Variants in GUCY2C observed in about 807,000 individuals in gnomAD.
GUCY2C encodes guanylyl cyclase C.
In GUCY2C, 118 loss-of-function variants were observed where a neutral mutation model predicts 131.1. That is an observed-to-expected ratio of 0.90 (90% CI 0.78 to 1.05). The LOEUF (loss-of-function observed/expected upper bound fraction) is 1.05. GUCY2C is among the 50% of genes least tolerant of loss of function. The pLI is 0.00. For missense variants in GUCY2C, 1,161 were observed against 1,304.4 expected (o/e 0.89, Z 1.69); for synonymous variants, 452 against 457.8 (o/e 0.99, Z 0.16).
intron 6 of GUCY2C, among the ~76,000 whole-genome samples, chr12:14,678,863 G>T (rs957735673): frequency 2.0e-5 from 3 of 152,052 alleles, no homozygotes; most frequent in Admixed American, 6.6e-5. Flanking sequence ...TGTCAGTGGG[G>T]TCTCCAACCA....
intron 20 of GUCY2C, 65 bp from the exon 21 acceptor site, chr12:14,625,980 C>A: frequency 2.1e-6 from 2 of 931,700 alleles, no homozygotes; most frequent in Non-Finnish European, 1.7e-6. Flanking sequence ...TCCAATAAAA[C>A]AATGGACAAA....
chr12:14,674,766 TAAA>T lies in GUCY2C; in HGVS notation c.949-9_949-7del. On this transcript the variant is annotated splice_region_variant and splice_polypyrimidine_tract_variant and intron_variant, in intron 7 of 26. Coordinates refer to ENST00000261170, the MANE Select transcript of GUCY2C (RefSeq NM_004963.4). ...AGAGCAAAGTCTCGTTTTGTCTAAA[TAAA>T]AAAGGAAAATATTAAAACGGGTCCT... The T allele has an allele frequency of 6.3e-7, 1 of 1,593,840 alleles. No homozygotes were observed. The highest frequency in any genetic ancestry group is 8.5e-7 in the Non-Finnish European group (1 of 1,170,962).
At chr12:14,657,532 C>T (rs1050003907) in intron 11 of GUCY2C, among the ~76,000 whole-genome samples, 3 of 152,110 alleles carry the variant, frequency 2.0e-5, no homozygotes, top group Admixed American at 6.5e-5. Flanking sequence ...GGTACTGGTC[C>T]GTAGCCTGTT....
At chr12:14,637,800 T>C (rs11831745) in intron 19 of GUCY2C, among the ~76,000 whole-genome samples, 2,387 of 152,226 alleles carry the variant, frequency 0.016, 65 homozygotes, top group African/African-American at 0.054. Context: ...GAAAAGACTT[T>C]AGGACATTGG....
At chr12:14,652,805 C>A (rs923087698) in intron 13 of GUCY2C, 147 bp downstream of exon 13, 27 of 674,020 alleles carry the variant, frequency 4.0e-5, no homozygotes, top group Non-Finnish European at 1.1e-5. Flanking sequence ...GGGCCCTGCC[C>A]ATCCCTGTGA....
intron 17 of GUCY2C, among the ~76,000 whole-genome samples, chr12:14,643,290 A>G (rs1001765015): frequency 1.3e-5 from 2 of 152,094 alleles, no homozygotes; most frequent in African/African-American, 2.4e-5. Flanking sequence ...CTAACCTTCT[A>G]TATTTTTTTC....
In GUCY2C at chr12:14,661,012, G is replaced by C; in HGVS notation, c.1333C>G (p.Leu445Val). Residue 445 changes from leucine to valine, a missense_variant, in exon 11 of 27, where the codon CTG becomes GTG. Physicochemically the swap from Leu to Val is conservative, Grantham distance 32 (BLOSUM62 1). Transcript: ENST00000261170. ...AVFTLTGAVV[L>V]LLLVALLMLR... is the part of the protein sequence containing the mutation. ...ATCAGGAGAGCGACGAGCAGGAGCA[G>C]CACCACAGCTCCAGTGAGGGTGAAG... 1 of 1,613,204 alleles carries C rather than the reference G, an allele frequency of 6.2e-7. No individual in the cohort carries two copies. The highest frequency in any genetic ancestry group is 8.5e-7 in the Non-Finnish European group (1 of 1,179,204).
chr12:14,631,910 A>C (rs1947154340), intron 19 of GUCY2C, among the ~76,000 whole-genome samples: 1 of 150,240 alleles, frequency 6.7e-6, no homozygotes, highest in Admixed American at 6.6e-5. Flanking sequence ...CTGACTTTTT[A>C]ATGATTGCCA....
chr12:14,691,554 G>A (rs1381418037), intron 1 of GUCY2C, among the ~76,000 whole-genome samples: 2 of 152,094 alleles, frequency 1.3e-5, no homozygotes, highest in African/African-American at 2.4e-5. Flanking sequence ...AGAAAGTGAC[G>A]TGGAGGGTAG....
At chr12:14,687,836 G>A in intron 2 of GUCY2C, 115 bp downstream of exon 2, 1 of 664,490 alleles carries the variant, frequency 1.5e-6, no homozygotes, top group South Asian at 1.7e-5. Flanking sequence ...CACTCATTCA[G>A]CTATGTGGCT....
intron 16 of GUCY2C, 72 bp downstream of exon 16, chr12:14,645,157 A>C: frequency 1.2e-6 from 1 of 809,700 alleles, no homozygotes; most frequent in Admixed American, 2.1e-5. Context: ...AATGCACAGA[A>C]GGTTGAATAA....
intron 15 of GUCY2C, among the ~76,000 whole-genome samples, chr12:14,647,104 G>T (rs1947537612): frequency 6.6e-6 from 1 of 152,158 alleles, no homozygotes; most frequent in African/African-American, 2.4e-5. Context: ...AAGAGAGAAT[G>T]AAAAGGTCCT....
At chr12:14,659,539 G>A (rs943312305) in intron 11 of GUCY2C, among the ~76,000 whole-genome samples, 1 of 152,094 alleles carries the variant, frequency 6.6e-6, no homozygotes, top group South Asian at 2.1e-4. Flanking sequence ...AAGCAGAAAT[G>A]ATTATTCTCT....
chr12:14,639,432 C>T (rs945680217), intron 19 of GUCY2C, among the ~76,000 whole-genome samples: 116 of 152,178 alleles, frequency 7.6e-4, no homozygotes, highest in African/African-American at 2.6e-3. Flanking sequence ...CATGCTGCGT[C>T]CTAATACCTG....
At chr12:14,674,174 G>A (rs1291975190) in intron 8 of GUCY2C, 5 of 206,986 alleles carry the variant, frequency 2.4e-5, no homozygotes, top group Admixed American at 5.2e-5. Context: ...ATGCAGCTCA[G>A]GAGGTTTGTG....
chr12:14,628,607 C>T (rs757928539), intron 20 of GUCY2C, 39 bp downstream of exon 20: 11 of 1,039,976 alleles, frequency 1.1e-5, no homozygotes, highest in African/African-American at 1.6e-5. Flanking sequence ...TTTTTAAAAC[C>T]CTGCAATTAG....
rs1041109229 is a variant in GUCY2C, at chr12:14,661,767, G to A, written c.1283-705C>T. Among the ~76,000 whole-genome samples the A allele has an allele frequency of 7.2e-5, 11 of 152,208 alleles. No homozygotes were observed. In the East Asian group the frequency reaches 1.4e-3, roughly 19 times the overall value. On this transcript the variant is annotated intron_variant, in intron 10 of 26. Transcript: ENST00000261170. Reference sequence around the variant, plus strand: ...TGTTTTTAAATACAGAGCACATGCCGGAAGAAAAGTAAGTCAGTATAGAAT... The same window carrying A: ...TGTTTTTAAATACAGAGCACATGCCAGAAGAAAAGTAAGTCAGTATAGAAT...
At chr12:14,632,103 G>A (rs1306816462) in intron 19 of GUCY2C, among the ~76,000 whole-genome samples, 1 of 152,118 alleles carries the variant, frequency 6.6e-6, no homozygotes. Flanking sequence ...ATTTGTTTGA[G>A]GTCATTGTAG....
At chr12:14,651,540 A>G (rs761873870) in intron 14 of GUCY2C, 29 bp from the exon 15 acceptor site, 1 of 1,147,834 alleles carries the variant, frequency 8.7e-7, no homozygotes. Context: ...TTACAAAGCA[A>G]ATTAGGCAGA....
Sources: allele counts gnomAD v4.1 joint callset (sites outside exome capture counted in the v4.1 genomes callset), GRCh38; gene constraint gnomAD v4.1.1; transcripts MANE v1.5; gene names NCBI Gene and HGNC (gene_info 2026-07-23, HGNC 2026-07-21).